The following EYS variants were observed in gnomAD, a reference collection of about 807,000 sequenced individuals.
EYS encodes the protein EGF-like photoreceptor maintenance factor.
In EYS, 250 loss-of-function variants were observed where a neutral mutation model predicts 282.1. The ratio of observed to expected loss-of-function variants is 0.89; its 90% CI spans 0.80 to 0.98. The LOEUF (loss-of-function observed/expected upper bound fraction) is 0.98. Among genes scored for constraint, EYS ranks in the 50% least tolerant of loss-of-function variants. The pLI, the probability that EYS is intolerant of heterozygous loss-of-function variation, is 0.00. For synonymous variants in EYS, 1,355 were observed against 1,282.9 expected (o/e 1.06, Z -1.20); for missense variants, 4,016 against 3,709.0 (o/e 1.08, Z -2.15).
intron 30 of EYS, among the ~76,000 whole-genome samples, chr6:64,270,090 G>A (rs1190635325): frequency 6.6e-6 from 1 of 151,990 alleles, no homozygotes; most frequent in Non-Finnish European, 1.5e-5. Flanking sequence ...AACACAAAAT[G>A]CAGCCTTAGT....
At chr6:64,640,216 T>A (rs1562106365) in intron 22 of EYS, among the ~76,000 whole-genome samples, 1 of 145,534 alleles carries the variant, frequency 6.9e-6, no homozygotes, top group African/African-American at 2.6e-5. Flanking sequence ...ATCCCATTAC[T>A]GGGTATATAC....
At chr6:63,782,331 G>T (rs896600230) in intron 39 of EYS, among the ~76,000 whole-genome samples, 3 of 152,208 alleles carry the variant, frequency 2.0e-5, no homozygotes, top group Non-Finnish European at 4.4e-5. Flanking sequence ...AATGGTGCCA[G>T]CTCCTCTTTG....
chr6:64,862,213 C>T (rs9445428), intron 19 of EYS, among the ~76,000 whole-genome samples: 83,827 of 151,918 alleles, frequency 0.55, 23,934 homozygotes, highest in Non-Finnish European at 0.62. Context: ...TTCATTTCCC[C>T]CTCTGGGTCT....
At chr6:64,307,880 A>G (rs1769513819) in intron 29 of EYS, among the ~76,000 whole-genome samples, 1 of 152,042 alleles carries the variant, frequency 6.6e-6, no homozygotes, top group Admixed American at 6.6e-5. Context: ...TATTTTAAAA[A>G]TTAGTAGGAA....
chr6:64,909,218 A>G lies in EYS; in HGVS notation c.2641+3266T>C, dbSNP rs996756116. Among the ~76,000 whole-genome samples the G allele has an allele frequency of 2.6e-5, 4 of 152,296 alleles. No individual in the cohort carries two copies. The South Asian group carries it at 8.3e-4, about 32-fold the overall frequency. On this transcript the variant is annotated intron_variant, in intron 16 of 42. Coordinates refer to ENST00000503581, the MANE Select transcript of EYS (RefSeq NM_001142800.2). ...CAGTATGTTTGTTGAATCAGTTAAT[A>G]TTTTTAAAATTTCTAGAACACTAAC...
intron 5 of EYS, among the ~76,000 whole-genome samples, chr6:65,414,531 C>T (rs904124439): frequency 6.6e-6 from 1 of 151,292 alleles, no homozygotes; most frequent in Non-Finnish European, 1.5e-5. Context: ...CAGTCATCTA[C>T]ATTTGTTGAT....
In EYS at chr6:64,864,385, C is replaced by CTTTTTTTTTT. The variant is rs769240399; in HGVS notation, c.2992+22302_2992+22311dup. ...GAGAAATACAGAGGTGCTATACCTT[C>CTTTTTTTTTT]TTTTTTTTTTTTTTTTTTTTTGACA... On this transcript the variant is annotated intron_variant, in intron 19 of 42. Transcript: ENST00000503581. Among the ~76,000 whole-genome samples the CTTTTTTTTTT allele has an allele frequency of 3.0e-3, 169 of 57,182 alleles. 32 individuals carry two copies. The highest frequency in any genetic ancestry group is 7.6e-3 in the South Asian group (11 of 1,446). The allele number at this position is 57,182 out of a possible 152,430, so 37.5% of individuals were successfully genotyped here.
chr6:64,724,730 A>G (rs1010515672), intron 22 of EYS, among the ~76,000 whole-genome samples: 1 of 152,196 alleles, frequency 6.6e-6, no homozygotes, highest in Non-Finnish European at 1.5e-5. Context: ...ATATGCACTG[A>G]AAGGATGAAA....
intron 12 of EYS, among the ~76,000 whole-genome samples, chr6:65,077,481 T>C (rs1247480368): frequency 6.6e-6 from 1 of 152,042 alleles, no homozygotes; most frequent in African/African-American, 2.4e-5. Context: ...TAAGAGAAAA[T>C]TTAATAGCAG....
intron 12 of EYS, among the ~76,000 whole-genome samples, chr6:65,291,706 C>T (rs1314963366): frequency 2.0e-5 from 3 of 151,546 alleles, no homozygotes; most frequent in Non-Finnish European, 4.4e-5. Context: ...GACAGATCAG[C>T]TCTGTGGAGA....
chr6:64,914,144 T>C (rs1304409501), intron 15 of EYS, among the ~76,000 whole-genome samples: 5 of 152,026 alleles, frequency 3.3e-5, no homozygotes, highest in Admixed American at 3.3e-4. Context: ...AGTGTCCATT[T>C]GAGGGAAATG....
chr6:64,892,771 G>A (rs567574387), intron 18 of EYS, among the ~76,000 whole-genome samples: 1 of 152,050 alleles, frequency 6.6e-6, no homozygotes, highest in East Asian at 1.9e-4. Context: ...TGATGTTATC[G>A]TAAATTCTCT....
intron 36 of EYS, among the ~76,000 whole-genome samples, chr6:63,810,721 G>T (rs186330102): frequency 6.6e-6 from 1 of 152,232 alleles, no homozygotes; most frequent in Non-Finnish European, 1.5e-5. Context: ...TACAATTCAA[G>T]TGGGCAAACC....
intron 31 of EYS, among the ~76,000 whole-genome samples, chr6:64,159,700 CAACT>C (rs1014535792): frequency 1.3e-5 from 2 of 151,212 alleles, no homozygotes; most frequent in African/African-American, 2.4e-5. Flanking sequence ...AACTATCAAC[CAACT>C]ATCAACTATC....
At chr6:64,054,524 G>A (rs1042495749) in intron 33 of EYS, among the ~76,000 whole-genome samples, 2 of 152,140 alleles carry the variant, frequency 1.3e-5, no homozygotes, top group South Asian at 4.1e-4. Flanking sequence ...TAAGACACAT[G>A]ATTTGTTCAT....
intron 31 of EYS, among the ~76,000 whole-genome samples, chr6:64,192,775 G>T (rs907979539): frequency 6.6e-6 from 1 of 152,168 alleles, no homozygotes; most frequent in Non-Finnish European, 1.5e-5. Flanking sequence ...TTTTAAGTCA[G>T]ACCCACTTGG....
intron 31 of EYS, among the ~76,000 whole-genome samples, chr6:64,139,077 T>A (rs1279239277): frequency 1.3e-5 from 2 of 152,036 alleles, no homozygotes; most frequent in East Asian, 3.9e-4. Flanking sequence ...ATAAAACAGG[T>A]ACAGCATATA....
chr6:64,185,186 T>A (rs1205313953), intron 31 of EYS, among the ~76,000 whole-genome samples: 2 of 137,868 alleles, frequency 1.5e-5, no homozygotes, highest in Non-Finnish European at 3.2e-5. Context: ...AAATAAATAA[T>A]AAATATGTCA....
At chr6:65,575,533 G>C (rs1362130314) in intron 2 of EYS, among the ~76,000 whole-genome samples, 1 of 151,486 alleles carries the variant, frequency 6.6e-6, no homozygotes, top group Non-Finnish European at 1.5e-5. Flanking sequence ...GACATATCAA[G>C]GAACTAGAAA....
Sources: gnomAD v4.1 joint callset for allele counts (sites outside exome capture counted in the v4.1 genomes callset) on GRCh38, gnomAD v4.1.1 for gene constraint, MANE v1.5 for transcripts, NCBI Gene and HGNC (gene_info 2026-07-23, HGNC 2026-07-21) for gene names.